Variants in YEATS2 observed in about 807,000 individuals in gnomAD.
The protein encoded by YEATS2 is YEATS domain-containing protein 2.
A neutral mutation model predicts 163.2 loss-of-function variants in YEATS2; 77 were observed. The observed-to-expected ratio is 0.47, with a 90% confidence interval of 0.39 to 0.57. The LOEUF (loss-of-function observed/expected upper bound fraction) is 0.57. Among genes scored for constraint, YEATS2 ranks in the 20% least tolerant of loss-of-function variants. The pLI is 0.00. For missense variants in YEATS2, 1,549 were observed against 1,729.8 expected, an observed-to-expected ratio of 0.90 and a Z score of 1.85; for synonymous variants, 631 against 645.1, an observed-to-expected ratio of 0.98 and a Z score of 0.33.
At chr3:183,742,561 G>A (rs1170792260) in intron 8 of YEATS2, among the ~76,000 whole-genome samples, 2 of 152,240 alleles carry the variant, frequency 1.3e-5, no homozygotes, top group Non-Finnish European at 2.9e-5. Flanking sequence ...AAACCTTAAT[G>A]CATGAGGATT....
At chr3:183,728,376 A>C (rs1300395908) in intron 6 of YEATS2, among the ~76,000 whole-genome samples, 2 of 152,310 alleles carry the variant, frequency 1.3e-5, no homozygotes, top group East Asian at 3.9e-4. Flanking sequence ...ATAGCTAAAC[A>C]TGGTGATGGG....
At chr3:183,756,149 A>G (rs1720744483) in intron 11 of YEATS2, among the ~76,000 whole-genome samples, 1 of 152,186 alleles carries the variant, frequency 6.6e-6, no homozygotes, top group South Asian at 2.1e-4. Context: ...CAGCAGTTAC[A>G]AAAAAAGGTT....
intron 18 of YEATS2, 108 bp downstream of exon 18, chr3:183,776,231 A>C: frequency 9.0e-7 from 1 of 1,115,354 alleles, no homozygotes; most frequent in Non-Finnish European, 1.2e-6. Context: ...CAATACTAAC[A>C]CCTTAACCGT....
chr3:183,724,610 T>A, intron 6 of YEATS2, 79 bp downstream of exon 6: 1 of 993,006 alleles, frequency 1.0e-6, no homozygotes, highest in Non-Finnish European at 1.5e-6. Flanking sequence ...AGTGTTACAG[T>A]AGGAAGCAGC....
chr3:183,790,908 A>G lies in YEATS2; in HGVS notation c.3025A>G (p.Thr1009Ala). The G allele has an allele frequency of 6.2e-7, 1 of 1,613,808 alleles. No homozygotes were observed. Among genetic ancestry groups the G allele is most frequent in the Non-Finnish European group, 8.5e-7 (1 of 1,179,936 alleles). The change falls in exon 21 of 31, where the codon ACC becomes GCC. Residue 1009 changes from threonine to alanine, a missense_variant. Coordinates refer to ENST00000305135, the MANE Select transcript of YEATS2 (RefSeq NM_018023.5). ...QATVGTCKAA[T>A]PTVVSATSLV... ...CACCGTGGGAACCTGCAAGGCTGCCACCCCCACCGTCGTCAGCGCCACGTC... is the reference window on the plus strand; with the variant it reads ...CACCGTGGGAACCTGCAAGGCTGCCGCCCCCACCGTCGTCAGCGCCACGTC...
Position 183,756,522 on chromosome 3 carries a change from A to C in YEATS2, c.1391-6A>C. 3 of 1,538,152 alleles carry C rather than the reference A, an allele frequency of 2.0e-6. No homozygotes were observed. The highest frequency in any genetic ancestry group is 2.6e-6 in the Non-Finnish European group (3 of 1,145,022). On this transcript the variant is annotated splice_region_variant and splice_polypyrimidine_tract_variant and intron_variant, in intron 11 of 30. Transcript: ENST00000305135. ...TTGTTTGTATTCTCTCTTTTTAATT[A>C]ATAAGGTTCCCCAATATCAACTCCA...
At chr3:183,780,699 A>G (rs1179639861) in intron 19 of YEATS2, among the ~76,000 whole-genome samples, 1 of 152,222 alleles carries the variant, frequency 6.6e-6, no homozygotes, top group African/African-American at 2.4e-5. Flanking sequence ...GAATTTGATA[A>G]AACTGCAGTC....
At chr3:183,770,533 T>TA (rs757122426) in intron 15 of YEATS2, among the ~76,000 whole-genome samples, 3 of 152,202 alleles carry the variant, frequency 2.0e-5, no homozygotes, top group Non-Finnish European at 4.4e-5. Context: ...AATACCCCCA[T>TA]ATCCTCCACC....
chr3:183,771,814 C>T (rs1374074047), intron 15 of YEATS2, among the ~76,000 whole-genome samples: 2 of 149,804 alleles, frequency 1.3e-5, no homozygotes, highest in Non-Finnish European at 3.0e-5. Flanking sequence ...GCAACCTCCA[C>T]ATCCTAGGTT....
intron 24 of YEATS2, chr3:183,801,009 T>A (rs946769247): frequency 6.5e-5 from 11 of 170,266 alleles, no homozygotes; most frequent in Admixed American, 5.1e-4. Context: ...TCCTAATTTC[T>A]AAATCAGGAA....
At chr3:183,807,833 A>G (rs568692426) in intron 28 of YEATS2, 197 bp from the exon 29 acceptor site, 1 of 550,374 alleles carries the variant, frequency 1.8e-6, no homozygotes, top group South Asian at 2.4e-5. Context: ...AATATCAGCC[A>G]GAAATGTGGA....
Position 183,786,105 on chromosome 3 carries a change from T to A in YEATS2, c.2737-20T>A. The stretch of plus-strand genomic sequence containing the variant: ...TTATCCAAGGCAACATGATTATTTC[T>A]GCCCATCTTGTTTCTGCAGGCAGCC... On this transcript the variant is annotated intron_variant, in intron 19 of 30. Transcript: ENST00000305135. The A allele has an allele frequency of 8.1e-6, 13 of 1,606,612 alleles. No individual in the cohort carries two copies. Among genetic ancestry groups the A allele is most frequent in the Non-Finnish European group, 1.0e-5 (12 of 1,173,848 alleles).
intron 28 of YEATS2, 135 bp downstream of exon 28, chr3:183,807,227 G>C: frequency 1.3e-6 from 1 of 782,188 alleles, no homozygotes; most frequent in Non-Finnish European, 2.0e-6. Flanking sequence ...TTCTGGTGCC[G>C]TAGATGCTTG....
At chr3:183,715,092 C>A in intron 1 of YEATS2, 52 bp from the exon 2 acceptor site, 3 of 1,145,288 alleles carry the variant, frequency 2.6e-6, no homozygotes, top group Non-Finnish European at 3.9e-6. Flanking sequence ...TTACTACAAC[C>A]CAACTATTTA....
At chr3:183,800,674 C>T (rs1188242825) in intron 24 of YEATS2, 106 bp downstream of exon 24, 20 of 868,812 alleles carry the variant, frequency 2.3e-5, no homozygotes, top group South Asian at 1.1e-4. Flanking sequence ...AAGCCCTTGA[C>T]GGGAGGAACT....
intron 17 of YEATS2, 94 bp from the exon 18 acceptor site, chr3:183,775,821 A>G: frequency 1.3e-6 from 2 of 1,578,362 alleles, no homozygotes; most frequent in Non-Finnish European, 1.7e-6. Context: ...GAATGGCACT[A>G]AAAGGGAAAC....
chr3:183,774,640 T>C (rs777656746), intron 17 of YEATS2, among the ~76,000 whole-genome samples: 3 of 152,172 alleles, frequency 2.0e-5, no homozygotes, highest in East Asian at 1.9e-4. Flanking sequence ...CTTTGACATA[T>C]AGAGAAAAAC....
chr3:183,772,005 G>T (rs1458071033), intron 15 of YEATS2, among the ~76,000 whole-genome samples: 1 of 152,020 alleles, frequency 6.6e-6, no homozygotes, highest in African/African-American at 2.4e-5. Context: ...GGGATTACAG[G>T]CATGAGCCAC....
intron 19 of YEATS2, among the ~76,000 whole-genome samples, chr3:183,783,739 C>T (rs1387050939): frequency 6.6e-6 from 1 of 152,200 alleles, no homozygotes; most frequent in Non-Finnish European, 1.5e-5. Flanking sequence ...CTTACCTTTT[C>T]ATGGCTGTGT....
Sources: allele counts gnomAD v4.1 joint callset (sites outside exome capture counted in the v4.1 genomes callset), GRCh38; gene constraint gnomAD v4.1.1; transcripts MANE v1.5; gene names NCBI Gene and HGNC (gene_info 2026-07-23, HGNC 2026-07-21).